Variants in CPNE4 observed in about 807,000 individuals in gnomAD.
CPNE4 encodes the protein copine 4, also known as copine-4.
CPNE4 carries 25 observed loss-of-function variants against 67.9 expected under a neutral mutation model. The observed-to-expected ratio is 0.37, with a 90% confidence interval of 0.27 to 0.51. CPNE4 has a LOEUF of 0.51. CPNE4 is among the 20% of genes least tolerant of loss of function. The pLI is 0.93. For synonymous variants in CPNE4, 242 were observed against 244.9 expected (o/e 0.99, Z 0.11); for missense variants, 464 against 690.8 (o/e 0.67, Z 3.68).
At chr3:132,037,530 C>A, upstream of CPNE4, 1 of 1,526,676 alleles carries the variant, frequency 6.6e-7, no homozygotes, top group Non-Finnish European at 8.8e-7. Context: ...ATTGTAACAT[C>A]AAAATCCCCT....
chr3:131,549,440 G>T (rs35449945), intron 14 of CPNE4, among the ~76,000 whole-genome samples: 13 of 151,924 alleles, frequency 8.6e-5, no homozygotes, highest in African/African-American at 3.1e-4. Flanking sequence ...CTCAAACTCT[G>T]GTCTTGGTTT....
intron 1 of CPNE4, among the ~76,000 whole-genome samples, chr3:131,908,998 T>C (rs1277030301): frequency 6.6e-6 from 1 of 152,174 alleles, no homozygotes; most frequent in Non-Finnish European, 1.5e-5. Context: ...GATAAAATCA[T>C]TCATGCTTTC....
chr3:131,985,509 T>C lies in CPNE4; in HGVS notation c.-2+49058A>G, dbSNP rs535611566. Among the ~76,000 whole-genome samples the C allele has an allele frequency of 1.6e-3, 245 of 152,310 alleles. 4 individuals are homozygous for C. Among genetic ancestry groups the C allele is most frequent in the African/African-American group, 5.6e-3 (232 of 41,576 alleles). On this transcript the variant is annotated intron_variant, in intron 1 of 15. Transcript: ENST00000429747. ...TTTTAAAGATGAGAAACATGGAACT[T>C]ACAGACATTATAATTTGCCTATGAT...
intron 6 of CPNE4, among the ~76,000 whole-genome samples, chr3:131,682,736 C>G (rs1017616999): frequency 2.6e-5 from 4 of 152,026 alleles, no homozygotes; most frequent in African/African-American, 9.7e-5. Context: ...TGAGTTCCTC[C>G]CAGTCCCAGG....
intron 1 of CPNE4, among the ~76,000 whole-genome samples, chr3:131,975,819 T>C (rs984139463): frequency 6.6e-6 from 1 of 151,932 alleles, no homozygotes; most frequent in African/African-American, 2.4e-5. Context: ...ACGCAGAACT[T>C]ATCCAACAAA....
chr3:132,002,240 C>T (rs566217433), intron 1 of CPNE4, among the ~76,000 whole-genome samples: 1 of 152,204 alleles, frequency 6.6e-6, no homozygotes, highest in East Asian at 1.9e-4. Flanking sequence ...GGTCAAAGAC[C>T]AATTGCTGCA....
intron 2 of CPNE4, among the ~76,000 whole-genome samples, chr3:131,734,936 C>G (rs2082202767): frequency 6.6e-6 from 1 of 152,136 alleles, no homozygotes; most frequent in African/African-American, 2.4e-5. Context: ...TCTGTAACTA[C>G]TCTGGCAGTT....
chr3:132,025,158 T>C (rs2074091108), intron 1 of CPNE4, among the ~76,000 whole-genome samples: 2 of 152,310 alleles, frequency 1.3e-5, no homozygotes, highest in African/African-American at 2.4e-5. Flanking sequence ...TTTATGCCAG[T>C]AACATTTTAG....
At chr3:131,965,650 G>C (rs929315714) in intron 1 of CPNE4, among the ~76,000 whole-genome samples, 5 of 152,076 alleles carry the variant, frequency 3.3e-5, no homozygotes, top group Non-Finnish European at 5.9e-5. Flanking sequence ...AATGGTAAAG[G>C]GATCAATGCA....
intron 3 of CPNE4, among the ~76,000 whole-genome samples, chr3:131,715,856 C>T (rs2081671375): frequency 6.6e-6 from 1 of 152,130 alleles, no homozygotes; most frequent in Admixed American, 6.5e-5. Context: ...TTGGCGTACC[C>T]ACTATTGGAT....
At chr3:131,751,892 A>G (rs987106554) in intron 2 of CPNE4, among the ~76,000 whole-genome samples, 3 of 151,982 alleles carry the variant, frequency 2.0e-5, no homozygotes, top group African/African-American at 7.3e-5. Flanking sequence ...CTCCATTGAC[A>G]GCCAAAGCTT....
intron 7 of CPNE4, among the ~76,000 whole-genome samples, chr3:131,618,573 T>C (rs747831969): frequency 2.0e-5 from 3 of 152,192 alleles, no homozygotes; most frequent in Admixed American, 6.5e-5. Context: ...TTGCAGCATT[T>C]CTAGGATATT....
chr3:131,669,297 T>C (rs936626710), intron 7 of CPNE4, among the ~76,000 whole-genome samples: 6 of 152,248 alleles, frequency 3.9e-5, no homozygotes, highest in Non-Finnish European at 5.9e-5. Flanking sequence ...AATCATAAGC[T>C]AAATAAATGC....
chr3:131,635,412 C>A (rs201546367), intron 7 of CPNE4, among the ~76,000 whole-genome samples: 1 of 151,396 alleles, frequency 6.6e-6, no homozygotes, highest in Non-Finnish European at 1.5e-5. Flanking sequence ...TCTACTTAAT[C>A]AACATTGTGT....
chr3:132,031,701 G>A (rs906424457), intron 1 of CPNE4, among the ~76,000 whole-genome samples: 1 of 152,128 alleles, frequency 6.6e-6, no homozygotes, highest in Non-Finnish European at 1.5e-5. Flanking sequence ...AAGAATTTTC[G>A]AAGTGAAGTC....
intron 7 of CPNE4, among the ~76,000 whole-genome samples, chr3:131,590,441 A>G (rs777333358): frequency 6.6e-6 from 1 of 152,148 alleles, no homozygotes; most frequent in Non-Finnish European, 1.5e-5. Context: ...CAGATGACCT[A>G]TGTGTGGGTA....
intron 10 of CPNE4, among the ~76,000 whole-genome samples, chr3:131,567,153 C>G (rs1054025342): frequency 6.6e-6 from 1 of 151,816 alleles, no homozygotes; most frequent in African/African-American, 2.4e-5. Flanking sequence ...TCTGTGATGA[C>G]AAAAACATGC....
At chr3:131,962,266 G>A (rs914501024) in intron 1 of CPNE4, among the ~76,000 whole-genome samples, 2 of 152,212 alleles carry the variant, frequency 1.3e-5, no homozygotes, top group African/African-American at 4.8e-5. Flanking sequence ...CAGGTGCTAA[G>A]TCAAGGGTAG....
At chr3:131,841,421 C>A (rs1038836871) in intron 2 of CPNE4, among the ~76,000 whole-genome samples, 2 of 152,204 alleles carry the variant, frequency 1.3e-5, no homozygotes, top group African/African-American at 4.8e-5. Flanking sequence ...TGTTAGGAAC[C>A]AGGCTGCAGA....
Sources: allele counts gnomAD v4.1 joint callset (sites outside exome capture counted in the v4.1 genomes callset), GRCh38; gene constraint gnomAD v4.1.1; transcripts MANE v1.5; gene names NCBI Gene and HGNC (gene_info 2026-07-23, HGNC 2026-07-21).